CHRM5: variants seen among roughly 807,000 people sequenced by gnomAD.
The protein encoded by CHRM5 is cholinergic receptor muscarinic 5.
A neutral mutation model predicts 39.0 loss-of-function variants in CHRM5; 18 were observed. That is an observed-to-expected ratio of 0.46 (90% CI 0.32 to 0.68). CHRM5 has a LOEUF of 0.68. Ranked by LOEUF, CHRM5 falls within the 30% of genes least tolerant of loss-of-function variation. The pLI is 0.04. For synonymous variants in CHRM5, 241 were observed against 246.3 expected (o/e 0.98, Z 0.20); for missense variants, 515 against 651.1 (o/e 0.79, Z 2.28).
chr15:33,995,941 G>A (rs1896914876), intron 1 of CHRM5, among the ~76,000 whole-genome samples: 1 of 152,232 alleles, frequency 6.6e-6, no homozygotes, highest in African/African-American at 2.4e-5. Flanking sequence ...GGGAAGCCAT[G>A]ACAGACTGTA....
intron 1 of CHRM5, among the ~76,000 whole-genome samples, chr15:33,975,281 T>C (rs765137064): frequency 3.9e-5 from 6 of 152,188 alleles, no homozygotes; most frequent in East Asian, 3.9e-4. Flanking sequence ...TGATTCCATA[T>C]AGACACTGCC....
At chr15:34,006,029 T>C (rs1287522122) in intron 1 of CHRM5, among the ~76,000 whole-genome samples, 1 of 152,110 alleles carries the variant, frequency 6.6e-6, no homozygotes, top group Non-Finnish European at 1.5e-5. Context: ...AAAATAGCCT[T>C]GGCCAGGCAC....
chr15:34,003,434 A>G (rs1376461499), intron 1 of CHRM5, among the ~76,000 whole-genome samples: 1 of 152,246 alleles, frequency 6.6e-6, no homozygotes, highest in Non-Finnish European at 1.5e-5. Context: ...GCAGCTGCCT[A>G]AACATTTGTG....
At chr15:34,025,235 G>A (rs1345229806) in intron 1 of CHRM5, among the ~76,000 whole-genome samples, 2 of 152,104 alleles carry the variant, frequency 1.3e-5, no homozygotes, top group African/African-American at 2.4e-5. Flanking sequence ...ATGAAGTGTG[G>A]GAGGGAAATG....
At chr15:34,034,648 G>A (rs1899032469) in intron 1 of CHRM5, among the ~76,000 whole-genome samples, 1 of 152,138 alleles carries the variant, frequency 6.6e-6, no homozygotes, top group Non-Finnish European at 1.5e-5. Flanking sequence ...AAAAAGTTCA[G>A]TTGTCTGTGT....
intron 2 of CHRM5, among the ~76,000 whole-genome samples, chr15:34,057,417 C>T (rs918742673): frequency 2.6e-5 from 4 of 152,134 alleles, no homozygotes; most frequent in Admixed American, 6.5e-5. Context: ...GCTGGGATTA[C>T]AGGCATGAGC....
At chr15:34,021,134 T>C (rs975193350) in intron 1 of CHRM5, among the ~76,000 whole-genome samples, 2 of 152,174 alleles carry the variant, frequency 1.3e-5, no homozygotes, top group Non-Finnish European at 2.9e-5. Flanking sequence ...AAAATGCCTA[T>C]CTTTTCTCAT....
At chr15:34,003,135 A>G (rs767198790) in intron 1 of CHRM5, 1 of 1,613,864 alleles carries the variant, frequency 6.2e-7, no homozygotes. Flanking sequence ...AGTTAGAGAC[A>G]ATCTTTCTTT....
intron 1 of CHRM5, chr15:33,972,162 G>T (rs904324451): frequency 4.6e-5 from 7 of 152,096 alleles, no homozygotes; most frequent in African/African-American, 1.4e-4. Context: ...AAAAGCGGGA[G>T]TAAACATCAT....
At chr15:34,016,379 C>T (rs1209438449) in intron 1 of CHRM5, among the ~76,000 whole-genome samples, 1 of 152,188 alleles carries the variant, frequency 6.6e-6, no homozygotes, top group East Asian at 1.9e-4. Context: ...TACTAATAGA[C>T]ACTGAGTTGG....
intron 1 of CHRM5, among the ~76,000 whole-genome samples, chr15:34,041,448 C>T (rs932558639): frequency 6.6e-6 from 1 of 152,150 alleles, no homozygotes; most frequent in African/African-American, 2.4e-5. Flanking sequence ...TAGTGAGAGA[C>T]GAGACCAGTG....
At chr15:34,032,580 G>A (rs1265659543) in intron 1 of CHRM5, among the ~76,000 whole-genome samples, 1 of 152,132 alleles carries the variant, frequency 6.6e-6, no homozygotes, top group Non-Finnish European at 1.5e-5. Context: ...GAAACAAAGG[G>A]GCTATGATCT....
chr15:34,039,091 G>C, intron 1 of CHRM5: 1 of 1,072,244 alleles, frequency 9.3e-7, no homozygotes, highest in Non-Finnish European at 1.1e-6. Flanking sequence ...CCGAGCTGCG[G>C]CGGAGACGCC....
At position 34,062,966 on chromosome 15, in the gene CHRM5, C is replaced by T; in HGVS notation, c.249C>T (p.Ser83=). ...ACADLIIGIF[S]MNLYTTYILM... Reference sequence around the variant, plus strand: ...CAGATCTCATCATTGGAATCTTCTCCATGAACCTCTACACCACCTACATCC... The same window carrying T: ...CAGATCTCATCATTGGAATCTTCTCTATGAACCTCTACACCACCTACATCC... Residue 83 remains serine (S), a synonymous_variant, in exon 3 of 3, where the codon TCC becomes TCT. Coordinates refer to ENST00000383263, the MANE Select transcript of CHRM5 (RefSeq NM_012125.4). 1 of 1,613,968 alleles carries T rather than the reference C, an allele frequency of 6.2e-7. No homozygotes were observed. Among genetic ancestry groups the T allele is most frequent in the Non-Finnish European group, 8.5e-7 (1 of 1,179,962 alleles).
At chr15:33,996,789 C>A (rs1023936353) in intron 1 of CHRM5, among the ~76,000 whole-genome samples, 1 of 152,158 alleles carries the variant, frequency 6.6e-6, no homozygotes, top group Non-Finnish European at 1.5e-5. Flanking sequence ...AAAACCAGAG[C>A]GCCTCTTGTC....
rs1382204497 is a variant in CHRM5 at position 34,066,194 on chromosome 15, C to T, written c.*1878C>T. 1 of 152,256 alleles carries T rather than the reference C, an allele frequency of 6.6e-6. No homozygotes were observed. The highest frequency in any genetic ancestry group is 1.5e-5 in the Non-Finnish European group (1 of 68,052). The allele number at this position is 152,256 out of a possible 1,614,324, so 9.4% of individuals were successfully genotyped here. A position where few individuals can be genotyped will look rare whatever the true frequency, so the allele number is the denominator to read the frequency against. Reference sequence around the variant, plus strand: ...AATTCGGTGGGAACAGTAATTGGCTCAGTTCTCCAGCACAGAGGCTTTCGG... The same window carrying T: ...AATTCGGTGGGAACAGTAATTGGCTTAGTTCTCCAGCACAGAGGCTTTCGG... On this transcript the variant is annotated 3_prime_UTR_variant, in exon 3 of 3. Coordinates refer to ENST00000383263, the MANE Select transcript of CHRM5 (RefSeq NM_012125.4).
chr15:34,021,847 C>A (rs1284377341), intron 1 of CHRM5, among the ~76,000 whole-genome samples: 2 of 152,006 alleles, frequency 1.3e-5, no homozygotes, highest in African/African-American at 4.8e-5. Flanking sequence ...CAGCGCAAGA[C>A]TCCATCTCAA....
chr15:33,997,122 A>T (rs1474818977), intron 1 of CHRM5, among the ~76,000 whole-genome samples: 2 of 152,236 alleles, frequency 1.3e-5, no homozygotes, highest in African/African-American at 4.8e-5. Context: ...ATAGGAGAAC[A>T]TCTTTAACCT....
chr15:33,996,122 G>C (rs760535584), intron 1 of CHRM5, among the ~76,000 whole-genome samples: 1 of 152,222 alleles, frequency 6.6e-6, no homozygotes, highest in Non-Finnish European at 1.5e-5. Flanking sequence ...CAGCCTGGCA[G>C]GGGGAGGGGC....
Sources: gnomAD v4.1 joint callset for allele counts (sites outside exome capture counted in the v4.1 genomes callset) on GRCh38, gnomAD v4.1.1 for gene constraint, MANE v1.5 for transcripts, NCBI Gene and HGNC (gene_info 2026-07-23, HGNC 2026-07-21) for gene names.